The following UGT1A6 variants were observed in gnomAD, a reference collection of about 807,000 sequenced individuals.
UGT1A6 encodes the protein UDP-glucuronosyltransferase 1A6.
UGT1A6 carries 32 observed loss-of-function variants against 44.4 expected under a neutral mutation model. The observed-to-expected ratio is 0.72, with a 90% confidence interval of 0.54 to 0.97. UGT1A6 has a LOEUF of 0.97. Ranked by LOEUF, UGT1A6 falls within the 50% of genes least tolerant of loss-of-function variation. UGT1A6 has a pLI of 0.00. For synonymous variants in UGT1A6, 238 were observed against 248.5 expected, an observed-to-expected ratio of 0.96 and a Z score of 0.40; for missense variants, 685 against 661.9, an observed-to-expected ratio of 1.03 and a Z score of -0.38.
chr2:233,759,396 C>T (rs1317272404), intron 1 of UGT1A6, among the ~76,000 whole-genome samples: 1 of 152,086 alleles, frequency 6.6e-6, no homozygotes, highest in African/African-American at 2.4e-5. Context: ...TCAGAGTAAC[C>T]GTGTGACCTG....
intron 1 of UGT1A6, chr2:233,713,425 C>A (rs748267657): frequency 6.2e-7 from 1 of 1,614,122 alleles, no homozygotes; most frequent in Non-Finnish European, 8.5e-7. Context: ...CATGCTACTT[C>A]CTTTGATGTG....
In UGT1A6 at chr2:233,772,878, G is replaced by T; in HGVS notation, c.*319G>T. 3.5e-6 allele frequency: 2 copies of T among 577,672 alleles called. No individual in the cohort carries two copies. The highest frequency in any genetic ancestry group is 5.2e-5 in the East Asian group (1 of 19,352). The allele number at this position is 577,672 out of a possible 1,614,324, so 35.8% of individuals were successfully genotyped here. A position where few individuals can be genotyped will look rare whatever the true frequency, so the allele number is the denominator to read the frequency against. Reference sequence around the variant, plus strand: ...GAAACATGGCCTGTTTGGGAGTGCGGGATTCAAAGGTGGTCCCACGGCTGC... The same window carrying T: ...GAAACATGGCCTGTTTGGGAGTGCGTGATTCAAAGGTGGTCCCACGGCTGC... On this transcript the variant is annotated 3_prime_UTR_variant, in exon 5 of 5. Transcript: ENST00000305139.
intron 1 of UGT1A6, among the ~76,000 whole-genome samples, chr2:233,738,716 A>T (rs1342041986): frequency 6.6e-6 from 1 of 152,244 alleles, no homozygotes; most frequent in Non-Finnish European, 1.5e-5. Flanking sequence ...AGAGCATAAA[A>T]GTTTGGAAAA....
At chr2:233,743,384 A>G in intron 1 of UGT1A6, 4 of 1,202,216 alleles carry the variant, frequency 3.3e-6, no homozygotes, top group Non-Finnish European at 4.5e-6. Context: ...CTACCGTAGG[A>G]CATGCAGAAG....
chr2:233,755,038 C>A (rs751084795), intron 1 of UGT1A6: 1 of 1,320,112 alleles, frequency 7.6e-7, no homozygotes, highest in South Asian at 1.1e-5. Flanking sequence ...CTGCCGCCTG[C>A]GCAGCCGCCC....
At chr2:233,751,660 A>C (rs1210914952) in intron 1 of UGT1A6, among the ~76,000 whole-genome samples, 4 of 152,204 alleles carry the variant, frequency 2.6e-5, no homozygotes, top group Admixed American at 6.5e-5. Flanking sequence ...CATCCTACTG[A>C]GTGAGTTCTA....
At chr2:233,733,817 C>T (rs994930501) in intron 1 of UGT1A6, among the ~76,000 whole-genome samples, 1 of 152,092 alleles carries the variant, frequency 6.6e-6, no homozygotes, top group Admixed American at 6.5e-5. Flanking sequence ...ATGCTGGCCT[C>T]ATAAAATGAG....
intron 1 of UGT1A6, among the ~76,000 whole-genome samples, chr2:233,733,088 C>T (rs1321589207): frequency 6.6e-6 from 1 of 152,072 alleles, no homozygotes; most frequent in Non-Finnish European, 1.5e-5. Flanking sequence ...AATGGGAGTT[C>T]ACTCATGGTT....
intron 1 of UGT1A6, among the ~76,000 whole-genome samples, chr2:233,742,480 C>T (rs1691993513): frequency 6.6e-6 from 1 of 151,918 alleles, no homozygotes; most frequent in Non-Finnish European, 1.5e-5. Flanking sequence ...AACTCACAAC[C>T]TTCAGCATAG....
In UGT1A6 at chr2:233,719,006, C is replaced by T. The variant is rs899895461; in HGVS notation, c.861+25141C>T. On this transcript the variant is annotated intron_variant, in intron 1 of 4. Transcript: ENST00000305139. ...GAGGCCACCAGGCGGTGGTCCTCACCCCAGAGGTGAATATGCACATCAAAG... is the reference window on the plus strand; with the variant it reads ...GAGGCCACCAGGCGGTGGTCCTCACTCCAGAGGTGAATATGCACATCAAAG... The T allele has an allele frequency of 1.9e-6, 3 of 1,614,196 alleles. No individual in the cohort carries two copies. The East Asian group carries it at 6.7e-5, about 36-fold the overall frequency.
intron 1 of UGT1A6, among the ~76,000 whole-genome samples, chr2:233,731,547 T>A (rs548605747): frequency 6.6e-6 from 1 of 152,218 alleles, no homozygotes; most frequent in Non-Finnish European, 1.5e-5. Flanking sequence ...TGGTTTTCTG[T>A]CCATGTGATA....
chr2:233,728,683 G>A (rs1270712584), intron 1 of UGT1A6, among the ~76,000 whole-genome samples: 4 of 152,230 alleles, frequency 2.6e-5, no homozygotes, highest in African/African-American at 7.2e-5. Flanking sequence ...TGAGAAGAAA[G>A]TTTCAAGGGT....
At chr2:233,738,160 TTCTC>T (rs1212480209) in intron 1 of UGT1A6, among the ~76,000 whole-genome samples, 1 of 152,184 alleles carries the variant, frequency 6.6e-6, no homozygotes, top group Non-Finnish European at 1.5e-5. Context: ...CTATTCCTCT[TTCTC>T]TCTTTCATGT....
intron 1 of UGT1A6, among the ~76,000 whole-genome samples, chr2:233,727,545 T>C (rs2077627675): frequency 2.0e-5 from 3 of 152,198 alleles, no homozygotes. Flanking sequence ...GTTCCACCCG[T>C]CACCTGGGCT....
At chr2:233,729,642 T>C (rs1273465947) in intron 1 of UGT1A6, 5 of 1,613,940 alleles carry the variant, frequency 3.1e-6, no homozygotes, top group South Asian at 2.2e-5. Context: ...CTGTGTTTTT[T>C]TTGAGGAACA....
intron 1 of UGT1A6, among the ~76,000 whole-genome samples, chr2:233,766,023 T>C (rs1365175031): frequency 6.6e-6 from 1 of 152,110 alleles, no homozygotes; most frequent in Non-Finnish European, 1.5e-5. Context: ...TTCTTTTAGT[T>C]TTGCCCTCTA....
chr2:233,752,697 G>A (rs1396469701), intron 1 of UGT1A6, among the ~76,000 whole-genome samples: 1 of 152,136 alleles, frequency 6.6e-6, no homozygotes, highest in African/African-American at 2.4e-5. Context: ...GTTTACTAGT[G>A]GGGTATGATC....
chr2:233,767,743 A>G (rs543873419), intron 2 of UGT1A6, 106 bp from the exon 3 acceptor site: 2 of 1,585,594 alleles, frequency 1.3e-6, no homozygotes, highest in South Asian at 2.3e-5. Flanking sequence ...CACTCTGTTA[A>G]AGACTGTTCC....
In UGT1A6 at chr2:233,769,705, G is replaced by T. The variant is rs1699921958; in HGVS notation, c.1301+1266G>T. Reference sequence around the variant, plus strand: ...TGGTGGCACTGGATAAAAGATCAATGTTGGCTAGGCACCATGGCACACGCC... The same window carrying T: ...TGGTGGCACTGGATAAAAGATCAATTTTGGCTAGGCACCATGGCACACGCC... On this transcript the variant is annotated intron_variant, in intron 4 of 4. Transcript: ENST00000305139. This position sits in a 1 kb window ranked among gnomAD's most constrained non-coding sequence, Gnocchi z 4.4. The T allele has an allele frequency of 6.6e-7, 1 of 1,517,524 alleles. No homozygotes were observed. Among genetic ancestry groups the T allele is most frequent in the African/African-American group, 1.4e-5 (1 of 73,038 alleles). The allele number at this position is 1,517,524 out of a possible 1,614,324, so 94.0% of individuals were successfully genotyped here. A position where few individuals can be genotyped will look rare whatever the true frequency, so the allele number is the denominator to read the frequency against.
Sources: allele counts gnomAD v4.1 joint callset (sites outside exome capture counted in the v4.1 genomes callset), GRCh38; gene constraint gnomAD v4.1.1; non-coding constraint Gnocchi (gnomAD v3.1); transcripts MANE v1.5; gene names NCBI Gene and HGNC (gene_info 2026-07-23, HGNC 2026-07-21).